Variants in CENPP observed in about 807,000 individuals in gnomAD.
CENPP encodes centromere protein P.
CENPP carries 24 observed loss-of-function variants against 35.6 expected under a neutral mutation model. The observed-to-expected ratio is 0.67, with a 90% CI of 0.49 to 0.95. The LOEUF (loss-of-function observed/expected upper bound fraction) is 0.95. Among genes scored for constraint, CENPP ranks in the 40% least tolerant of loss-of-function variants. The probability of loss-of-function intolerance (pLI) is 0.00; values close to 1 mark genes in which losing one functional copy is unlikely to be tolerated. For missense variants in CENPP, 332 were observed against 345.3 expected (o/e 0.96, Z 0.31); for synonymous variants, 120 against 125.5 (o/e 0.96, Z 0.29).
intron 5 of CENPP, among the ~76,000 whole-genome samples, chr9:92,388,441 C>T (rs904440659): frequency 4.6e-5 from 7 of 151,890 alleles, no homozygotes; most frequent in Admixed American, 6.6e-5. Context: ...GGATTATAGG[C>T]GTGAGCCACT....
chr9:92,390,177 G>A, intron 5 of CENPP: 1 of 613,672 alleles, frequency 1.6e-6, no homozygotes, highest in South Asian at 2.2e-5. Context: ...CTGGTAGACT[G>A]TTTACAATTC....
rs377336460 is a variant in CENPP, at chr9:92,393,406, T to C, written c.564+13547T>C. On this transcript the variant is annotated intron_variant, in intron 5 of 7. Coordinates refer to ENST00000375587, the MANE Select transcript of CENPP (RefSeq NM_001012267.3). ...TGGTAACTCGTTACCTATATTGTGC[T>C]TGATAATTCACCAGAATATTGTTTG... Among the ~76,000 whole-genome samples the C allele has an allele frequency of 9.2e-5, 14 of 152,356 alleles. No individual in the cohort carries two copies. The East Asian group carries it at 1.5e-3, about 17-fold the overall frequency.
chr9:92,588,690 C>T (rs1464800240), intron 5 of CENPP, among the ~76,000 whole-genome samples: 1 of 152,084 alleles, frequency 6.6e-6, no homozygotes, highest in Non-Finnish European at 1.5e-5. Context: ...CTTCCATAAA[C>T]CCATAAGAGA....
chr9:92,458,299 T>C (rs1844960625), intron 5 of CENPP, among the ~76,000 whole-genome samples: 1 of 152,236 alleles, frequency 6.6e-6, no homozygotes, highest in Admixed American at 6.5e-5. Flanking sequence ...AGCAATCTAC[T>C]TAACTGACAG....
intron 5 of CENPP, among the ~76,000 whole-genome samples, chr9:92,561,932 G>A (rs1383741885): frequency 2.0e-5 from 3 of 152,176 alleles, no homozygotes; most frequent in Middle Eastern, 3.2e-3. Context: ...GTTTACAGAG[G>A]AGGAAAACTG....
intron 5 of CENPP, chr9:92,464,693 T>C (rs1407183161): frequency 3.0e-6 from 2 of 660,034 alleles, no homozygotes; most frequent in Non-Finnish European, 5.6e-6. Context: ...GTTCATTGCT[T>C]CTTAATGTTT....
At chr9:92,595,485 T>G (rs529363206) in intron 5 of CENPP, among the ~76,000 whole-genome samples, 1 of 152,110 alleles carries the variant, frequency 6.6e-6, no homozygotes, top group South Asian at 2.1e-4. Context: ...CAAGCAATCA[T>G]CCGGCCTTAC....
At chr9:92,387,031 G>A (rs1842453072) in intron 5 of CENPP, among the ~76,000 whole-genome samples, 1 of 131,684 alleles carries the variant, frequency 7.6e-6, no homozygotes, top group South Asian at 2.6e-4. Flanking sequence ...CTGGGCAACA[G>A]AGCGAGACTC....
At chr9:92,567,843 C>T (rs1198326288) in intron 5 of CENPP, among the ~76,000 whole-genome samples, 2 of 151,828 alleles carry the variant, frequency 1.3e-5, no homozygotes, top group East Asian at 1.9e-4. Context: ...CAAATAGCTA[C>T]AGAACTTGTA....
intron 5 of CENPP, chr9:92,383,998 T>A (rs1842332836): frequency 6.6e-6 from 1 of 152,208 alleles, no homozygotes; most frequent in African/African-American, 2.4e-5. Context: ...TTTGCAATAT[T>A]TATTATATAT....
intron 5 of CENPP, among the ~76,000 whole-genome samples, chr9:92,604,394 C>T (rs1191440203): frequency 1.3e-5 from 2 of 152,142 alleles, no homozygotes; most frequent in Non-Finnish European, 2.9e-5. Flanking sequence ...GGTTATTTAT[C>T]TTCTTTTTAC....
chr9:92,425,065 G>A (rs1393473826), intron 5 of CENPP, among the ~76,000 whole-genome samples: 1 of 152,204 alleles, frequency 6.6e-6, no homozygotes, highest in Non-Finnish European at 1.5e-5. Flanking sequence ...ATCAGGATTA[G>A]AAACATAACA....
rs1851527651 is a variant in CENPP at position 92,618,733 on chromosome 9, A to T, written c.*5584A>T. 2.8e-6 allele frequency: 1 copy of T among 359,568 alleles called. No individual in the cohort carries two copies. Among genetic ancestry groups the T allele is most frequent in the Non-Finnish European group, 5.5e-6 (1 of 181,814 alleles). The allele number at this position is 359,568 out of a possible 1,614,324, so 22.3% of individuals were successfully genotyped here. A position where few individuals can be genotyped will look rare whatever the true frequency, so the allele number is the denominator to read the frequency against. ...AGTATTTCATATTGGAAAGTAAACAATTCTGTGCCTGCCAGGGAACAGGAA... is the reference window on the plus strand; with the variant it reads ...AGTATTTCATATTGGAAAGTAAACATTTCTGTGCCTGCCAGGGAACAGGAA... On this transcript the variant is annotated 3_prime_UTR_variant, in exon 8 of 8. Coordinates refer to ENST00000375587, the MANE Select transcript of CENPP (RefSeq NM_001012267.3).
At chr9:92,526,120 T>C (rs1025375444) in intron 5 of CENPP, among the ~76,000 whole-genome samples, 1 of 152,102 alleles carries the variant, frequency 6.6e-6, no homozygotes, top group South Asian at 2.1e-4. Flanking sequence ...ATGAGTGTTA[T>C]TACCCATGAA....
At chr9:92,450,292 G>C (rs971080185) in intron 5 of CENPP, among the ~76,000 whole-genome samples, 11 of 132,142 alleles carry the variant, frequency 8.3e-5, no homozygotes, top group African/African-American at 3.2e-4. Context: ...TCCCCTTCCT[G>C]TGTCCATGTG....
At chr9:92,480,560 T>A (rs1845878614) in intron 5 of CENPP, among the ~76,000 whole-genome samples, 1 of 152,244 alleles carries the variant, frequency 6.6e-6, no homozygotes, top group Non-Finnish European at 1.5e-5. Flanking sequence ...ACATATGGAC[T>A]GGAAATAAAG....
chr9:92,471,897 C>T (rs549079352), intron 5 of CENPP, among the ~76,000 whole-genome samples: 4 of 152,190 alleles, frequency 2.6e-5, no homozygotes, highest in African/African-American at 9.6e-5. Context: ...TGGACTCAAG[C>T]GAGATGCCTG....
chr9:92,567,503 G>T (rs923881577), intron 5 of CENPP, among the ~76,000 whole-genome samples: 38 of 150,764 alleles, frequency 2.5e-4, no homozygotes, highest in African/African-American at 8.8e-4. Flanking sequence ...CTAGCCATTT[G>T]AAACTAAATA....
chr9:92,561,350 G>A (rs1452890527), intron 5 of CENPP, among the ~76,000 whole-genome samples: 1 of 152,116 alleles, frequency 6.6e-6, no homozygotes, highest in Non-Finnish European at 1.5e-5. Flanking sequence ...TGGAACTGCA[G>A]AAATGGAAGA....
Sources: gnomAD v4.1 joint callset for allele counts (sites outside exome capture counted in the v4.1 genomes callset) on GRCh38, gnomAD v4.1.1 for gene constraint, MANE v1.5 for transcripts, NCBI Gene and HGNC (gene_info 2026-07-23, HGNC 2026-07-21) for gene names.